CNTNAP3B: variants seen among roughly 807,000 people sequenced by gnomAD.
CNTNAP3B encodes the protein contactin associated protein family member 3B, also known as contactin-associated protein-like 3B.
Under a neutral mutation model 108.9 loss-of-function variants are expected in CNTNAP3B, and 25 were observed. That is an observed-to-expected ratio of 0.23 (90% CI 0.17 to 0.32). CNTNAP3B has a LOEUF of 0.32. Ranked by LOEUF, CNTNAP3B falls within the 10% of genes least tolerant of loss-of-function variation. The pLI, the probability that CNTNAP3B is intolerant of heterozygous loss-of-function variation, is 1.00. For synonymous variants in CNTNAP3B, 103 were observed against 473.4 expected, an observed-to-expected ratio of 0.22 and a Z score of 10.16; for missense variants, 252 against 1,210.4, an observed-to-expected ratio of 0.21 and a Z score of 11.75.
At chr9:42,078,719 G>T (rs1326668740) in intron 2 of CNTNAP3B, among the ~76,000 whole-genome samples, 14 of 138,586 alleles carry the variant, frequency 1.0e-4, no homozygotes, top group Non-Finnish European at 1.7e-4. Context: ...CATGCAACAT[G>T]GTTTCCTAGA....
At chr9:42,086,431 C>CAT (rs368523154) in intron 2 of CNTNAP3B, among the ~76,000 whole-genome samples, 17 of 125,804 alleles carry the variant, frequency 1.4e-4, no homozygotes, top group South Asian at 4.9e-4. Context: ...TTTGCATTTA[C>CAT]TTTTTTTTTT....
intron 9 of CNTNAP3B, chr9:41,975,473 CTTTT>C (rs1250517610): frequency 1.7e-5 from 1 of 58,908 alleles, no homozygotes; most frequent in Non-Finnish European, 3.2e-5. Context: ...TGTTATGTTT[CTTTT>C]TCTTTTCCAT....
rs1421727669 is a variant in CNTNAP3B, at chr9:42,015,512, A to C, written c.391-1987T>G. 6.5e-5 allele frequency among the ~76,000 whole-genome samples: 6 copies of C among 92,324 alleles called. 2 individuals are homozygous for C. The highest frequency in any genetic ancestry group is 2.5e-4 in the African/African-American group (6 of 23,982). 60.6% of individuals were successfully genotyped at this position (92,324 alleles called of 152,430 possible). A position where few individuals can be genotyped will look rare whatever the true frequency, so the allele number is the denominator to read the frequency against. ...GCCATATCCCAGCTCCACCACCTCA[A>C]ACCCTGCTACTCTGCTGCAAGCTGC... On this transcript the variant is annotated intron_variant, in intron 3 of 23. Coordinates refer to ENST00000377561, the MANE Select transcript of CNTNAP3B (RefSeq NM_001201380.3).
At chr9:41,956,115 G>A (rs1824849916) in intron 12 of CNTNAP3B, among the ~76,000 whole-genome samples, 1 of 152,236 alleles carries the variant, frequency 6.6e-6, no homozygotes, top group Admixed American at 6.5e-5. Context: ...GGCCAGGCGT[G>A]GTGGCTCACG....
intron 1 of CNTNAP3B, among the ~76,000 whole-genome samples, chr9:42,127,721 C>T (rs543517349): frequency 1.4e-5 from 2 of 139,630 alleles, no homozygotes; most frequent in African/African-American, 5.7e-5. Context: ...CCAAAGCAAT[C>T]CGGAGCTTGT....
At chr9:42,030,813 G>GAGAGGAGAGAGA (rs1156882673) in intron 3 of CNTNAP3B, among the ~76,000 whole-genome samples, 1 of 65,774 alleles carries the variant, frequency 1.5e-5, no homozygotes, top group East Asian at 5.0e-4. Flanking sequence ...GAGAGAGAGA[G>GAGAGGAGAGAGA]GAGAGAGAGA....
At chr9:41,968,646 C>T (rs939726673) in intron 10 of CNTNAP3B, among the ~76,000 whole-genome samples, 16 of 142,620 alleles carry the variant, frequency 1.1e-4, no homozygotes, top group South Asian at 2.2e-4. Context: ...GTAGTAATTG[C>T]GTTTTTTTAG....
At chr9:42,054,497 G>A (rs913596603) in intron 3 of CNTNAP3B, among the ~76,000 whole-genome samples, 2 of 151,788 alleles carry the variant, frequency 1.3e-5, no homozygotes, top group Admixed American at 6.6e-5. Context: ...CGAAGGTGAG[G>A]AAGCTCACAG....
intron 2 of CNTNAP3B, among the ~76,000 whole-genome samples, chr9:42,095,761 C>A (rs1244621889): frequency 1.5e-5 from 2 of 137,264 alleles, no homozygotes; most frequent in Non-Finnish European, 3.1e-5. Context: ...TGGTCGCAGA[C>A]CCTTGAAAAT....
chr9:41,934,118 T>TAC (rs1461900652), intron 14 of CNTNAP3B, among the ~76,000 whole-genome samples: 4 of 130,748 alleles, frequency 3.1e-5, no homozygotes, highest in Non-Finnish European at 4.8e-5. Flanking sequence ...TATATATATA[T>TAC]ATATACACAC....
intron 14 of CNTNAP3B, among the ~76,000 whole-genome samples, chr9:41,937,091 C>A (rs1216208183): frequency 1.7e-5 from 2 of 119,524 alleles, no homozygotes; most frequent in Admixed American, 8.6e-5. Flanking sequence ...CCTGGAATGA[C>A]CATTACATTT....
intron 9 of CNTNAP3B, chr9:41,974,270 G>A (rs1366723471): frequency 1.1e-5 from 1 of 87,072 alleles, no homozygotes; most frequent in African/African-American, 4.9e-5. Flanking sequence ...TCAGGAAATT[G>A]GTGGGTTTTT....
intron 3 of CNTNAP3B, among the ~76,000 whole-genome samples, chr9:42,063,871 G>A (rs1398310001): frequency 6.6e-6 from 1 of 150,380 alleles, no homozygotes; most frequent in Non-Finnish European, 1.5e-5. Context: ...ATAGGTATGA[G>A]CCATGACACC....
rs1312505993 is a variant in CNTNAP3B, at chr9:42,000,491, A to AT, written c.539-1888dup. 9.1e-3 allele frequency among the ~76,000 whole-genome samples: 837 copies of AT among 91,540 alleles called. 98 individuals are homozygous for AT. Among genetic ancestry groups the AT allele is most frequent in the African/African-American group, 0.039 (779 of 19,840 alleles). The allele number at this position is 91,540 out of a possible 152,430, so 60.1% of individuals were successfully genotyped here. ...TAAAGAAAATGCTAATATTTGAGCT[A>AT]TTTTTTTTTAGTTGACTAACAAAGT... On this transcript the variant is annotated intron_variant, in intron 4 of 23. Coordinates refer to ENST00000377561, the MANE Select transcript of CNTNAP3B (RefSeq NM_001201380.3).
intron 1 of CNTNAP3B, 64 bp downstream of exon 1, chr9:42,128,946 A>C: frequency 7.2e-7 from 1 of 1,394,410 alleles, no homozygotes; most frequent in South Asian, 1.3e-5. Flanking sequence ...TATTACCGAT[A>C]ATAAAAAAAT....
At chr9:42,064,269 AC>A (rs1827227971) in intron 3 of CNTNAP3B, among the ~76,000 whole-genome samples, 1 of 149,888 alleles carries the variant, frequency 6.7e-6, no homozygotes, top group Admixed American at 6.6e-5. Flanking sequence ...AGTTCTGGAG[AC>A]TGGGATGCTC....
intron 3 of CNTNAP3B, among the ~76,000 whole-genome samples, chr9:42,030,726 G>A (rs1187392406): frequency 3.2e-5 from 3 of 94,092 alleles, no homozygotes; most frequent in Non-Finnish European, 4.3e-5. Flanking sequence ...TCTCCTGCCC[G>A]GAGAAGGGAG....
At chr9:42,035,423 C>T (rs1281330422) in intron 3 of CNTNAP3B, among the ~76,000 whole-genome samples, 2 of 145,960 alleles carry the variant, frequency 1.4e-5, no homozygotes, top group African/African-American at 2.6e-5. Context: ...TCTGCCTAAC[C>T]TCAGGTTCCT....
At chr9:41,956,726 T>A (rs1231331040) in intron 12 of CNTNAP3B, among the ~76,000 whole-genome samples, 1 of 143,644 alleles carries the variant, frequency 7.0e-6, no homozygotes, top group Non-Finnish European at 1.5e-5. Context: ...TTGTTTTCTC[T>A]CTTTCACACT....
Sources: gnomAD v4.1 joint callset for allele counts (sites outside exome capture counted in the v4.1 genomes callset) on GRCh38, gnomAD v4.1.1 for gene constraint, MANE v1.5 for transcripts, NCBI Gene and HGNC (gene_info 2026-07-23, HGNC 2026-07-21) for gene names.